USP46: variants seen among roughly 807,000 people sequenced by gnomAD.
The protein encoded by USP46 is ubiquitin specific peptidase 46.
Under a neutral mutation model 44.4 loss-of-function variants are expected in USP46, and 12 were observed. The ratio of observed to expected loss-of-function variants is 0.27; its 90% confidence interval spans 0.17 to 0.44. USP46 has a LOEUF of 0.44. USP46 is among the 20% of genes least tolerant of loss of function. The pLI is 1.00. For missense variants in USP46, 248 were observed against 444.8 expected, an observed-to-expected ratio of 0.56 and a Z score of 3.98; for synonymous variants, 155 against 161.5, an observed-to-expected ratio of 0.96 and a Z score of 0.31.
intron 1 of USP46, among the ~76,000 whole-genome samples, chr4:52,653,988 C>A (rs1330153922): frequency 6.6e-6 from 1 of 152,120 alleles, no homozygotes; most frequent in Non-Finnish European, 1.5e-5. Flanking sequence ...TGAACTGAAG[C>A]ACATAAAGTT....
intron 8 of USP46, 64 bp downstream of exon 8, chr4:52,598,564 C>G (rs756626999): frequency 6.9e-7 from 1 of 1,447,574 alleles, no homozygotes; most frequent in Non-Finnish European, 9.5e-7. Flanking sequence ...AATGTCTATA[C>G]ATACACATTC....
At chr4:52,628,228 G>T (rs1372354423) in intron 2 of USP46, 65 bp from the exon 3 acceptor site, 1 of 1,524,076 alleles carries the variant, frequency 6.6e-7, no homozygotes, top group Non-Finnish European at 8.9e-7. Context: ...TGGAATAAGT[G>T]GTGAGGGTGA....
At position 52,601,935 on chromosome 4, in the gene USP46, C is replaced by G; in HGVS notation, c.842G>C (p.Arg281Pro). The G allele has an allele frequency of 6.2e-7, 1 of 1,613,944 alleles. No individual in the cohort carries two copies. Among genetic ancestry groups the G allele is most frequent in the Non-Finnish European group, 8.5e-7 (1 of 1,179,888 alleles). ...TGCATCACTGGAGGTGTTGAAGAGC[C>G]GGAGTTCCAGAGGGAAGACCACACG... is the stretch of plus-strand genomic sequence containing the variant. ...SYRVVFPLEL[R>P]LFNTSSDAVN... The change falls in exon 7 of 9, where the codon CGG (arginine) becomes CCG (proline). Residue 281 changes from arginine to proline, a missense_variant. Physicochemically the swap from Arg to Pro is moderately radical, Grantham distance 103. This residue lies in a region of USP46 where 98 missense variants were observed against 218.2 expected (regional missense o/e 0.45). Transcript: ENST00000441222.
chr4:52,635,891 G>T (rs1172065102), intron 1 of USP46, among the ~76,000 whole-genome samples: 1 of 152,202 alleles, frequency 6.6e-6, no homozygotes, highest in Non-Finnish European at 1.5e-5. Context: ...AGAAGTGGGG[G>T]TGGAGGATAA....
chr4:52,656,552 T>C, intron 1 of USP46: 1 of 1,399,528 alleles, frequency 7.1e-7, no homozygotes, highest in Non-Finnish European at 9.3e-7. Context: ...AATGGCATGA[T>C]CTCCACTGTC....
At chr4:52,646,595 T>C (rs751781108) in intron 1 of USP46, among the ~76,000 whole-genome samples, 2 of 152,098 alleles carry the variant, frequency 1.3e-5, no homozygotes, top group Admixed American at 6.5e-5. Context: ...TGCATTTTAT[T>C]TCTCTTTGGG....
At chr4:52,650,983 AC>A (rs1454967753) in intron 1 of USP46, 2 of 151,856 alleles carry the variant, frequency 1.3e-5, no homozygotes, top group African/African-American at 4.9e-5. Context: ...GTAGTACCCT[AC>A]TCAGGAGGCT....
At chr4:52,638,822 A>G (rs1453161852) in intron 1 of USP46, among the ~76,000 whole-genome samples, 1 of 151,988 alleles carries the variant, frequency 6.6e-6, no homozygotes, top group East Asian at 1.9e-4. Flanking sequence ...CTGTCTGGGT[A>G]GCTTCCATGT....
intron 5 of USP46, among the ~76,000 whole-genome samples, chr4:52,605,003 A>T (rs1716632311): frequency 6.6e-6 from 1 of 152,270 alleles, no homozygotes; most frequent in African/African-American, 2.4e-5. Flanking sequence ...ACTAAAACTT[A>T]GATCCAGAAA....
At chr4:52,647,996 G>C (rs184114731) in intron 1 of USP46, among the ~76,000 whole-genome samples, 1 of 152,352 alleles carries the variant, frequency 6.6e-6, no homozygotes, top group Admixed American at 6.5e-5. Context: ...CCAGGCAACA[G>C]GCTAAGCACT....
chr4:52,638,278 T>C (rs1718190547), intron 1 of USP46, among the ~76,000 whole-genome samples: 1 of 152,002 alleles, frequency 6.6e-6, no homozygotes, highest in South Asian at 2.1e-4. Flanking sequence ...GAAGATGCCA[T>C]GCTGCTGGCC....
At chr4:52,617,968 T>C (rs1483622131) in intron 4 of USP46, among the ~76,000 whole-genome samples, 1 of 152,218 alleles carries the variant, frequency 6.6e-6, no homozygotes, top group African/African-American at 2.4e-5. Flanking sequence ...TTTAAAAGCA[T>C]AAAGAGACCT....
chr4:52,592,048 A>C lies in USP46; in HGVS notation c.*5592T>G, dbSNP rs1213741351. The C allele has an allele frequency of 6.6e-6, 1 of 152,222 alleles. No homozygotes were observed. Among genetic ancestry groups the C allele is most frequent in the East Asian group, 1.9e-4 (1 of 5,202 alleles). 9.4% of individuals were successfully genotyped at this position (152,222 alleles called of 1,614,324 possible). On this transcript the variant is annotated 3_prime_UTR_variant, in exon 9 of 9. Transcript: ENST00000441222. ...CCAGGAAAAAAGATGGTGTGGCTTC[A>C]TCCAACAGTGCCATCTGCATGTTGA...
At chr4:52,658,046 T>C in intron 1 of USP46, 1 of 355,220 alleles carries the variant, frequency 2.8e-6, no homozygotes, top group Non-Finnish European at 5.7e-6. Flanking sequence ...ATTACTAGCT[T>C]CAAGGGAGGT....
intron 1 of USP46, among the ~76,000 whole-genome samples, chr4:52,649,293 T>C (rs1222081849): frequency 6.6e-6 from 1 of 152,232 alleles, no homozygotes; most frequent in Non-Finnish European, 1.5e-5. Flanking sequence ...CTAACAAGCA[T>C]GAAGGCATCA....
At chr4:52,620,216 A>T (rs889768735) in intron 4 of USP46, among the ~76,000 whole-genome samples, 2 of 152,142 alleles carry the variant, frequency 1.3e-5, no homozygotes, top group African/African-American at 4.8e-5. Flanking sequence ...GAAAAACAAC[A>T]ACAACAACAA....
chr4:52,608,672 A>C (rs1369327924), intron 5 of USP46, among the ~76,000 whole-genome samples: 1 of 152,108 alleles, frequency 6.6e-6, no homozygotes, highest in East Asian at 1.9e-4. Context: ...CTCTCCCTCC[A>C]TTCAATTACA....
intron 3 of USP46, among the ~76,000 whole-genome samples, chr4:52,627,369 C>G (rs1717635239): frequency 6.6e-6 from 1 of 152,130 alleles, no homozygotes; most frequent in Non-Finnish European, 1.5e-5. Flanking sequence ...ACTGCCAATA[C>G]AAAACTTCTG....
rs1716101665 is a variant in USP46, at chr4:52,593,305, A to T, written c.*4335T>A. The T allele has an allele frequency of 1.1e-5, 2 of 185,232 alleles. No individual in the cohort carries two copies. The highest frequency in any genetic ancestry group is 1.1e-5 in the Non-Finnish European group (1 of 89,866). 11.5% of individuals were successfully genotyped at this position (185,232 alleles called of 1,614,324 possible). On this transcript the variant is annotated 3_prime_UTR_variant, in exon 9 of 9. Coordinates refer to ENST00000441222, the MANE Select transcript of USP46 (RefSeq NM_022832.4). ...AGGAAAGAAAAACACAGTCCCAAGA[A>T]GGTCTTCTCTGCCTTTGGCCTTCGT...
Sources: allele counts gnomAD v4.1 joint callset (sites outside exome capture counted in the v4.1 genomes callset), GRCh38; gene constraint gnomAD v4.1.1; regional missense constraint gnomAD v4.1.1; transcripts MANE v1.5; gene names NCBI Gene and HGNC (gene_info 2026-07-23, HGNC 2026-07-21).